The following PARD3 variants were observed in gnomAD, a reference collection of about 807,000 sequenced individuals.
PARD3 encodes the protein par-3 family cell polarity regulator.
In PARD3, 75 loss-of-function variants were observed where a neutral mutation model predicts 155.4. The observed-to-expected ratio is 0.48, with a 90% CI of 0.40 to 0.58. The LOEUF is 0.58. PARD3 is among the 20% of genes least tolerant of loss of function. The pLI is 0.00. For missense variants in PARD3, 1,642 were observed against 1,721.7 expected (o/e 0.95, Z 0.82); for synonymous variants, 576 against 610.5 (o/e 0.94, Z 0.83).
intron 1 of PARD3, among the ~76,000 whole-genome samples, chr10:34,713,996 C>T (rs1472738778): frequency 6.6e-6 from 1 of 151,890 alleles, no homozygotes; most frequent in African/African-American, 2.4e-5. Context: ...TTTAAGGTTA[C>T]TCATCCAGCC....
rs12783878 is a variant in PARD3, at chr10:34,304,695, C to A, written c.3065+12412G>T. Among the ~76,000 whole-genome samples, 603 of 152,246 alleles carry A rather than the reference C, an allele frequency of 4.0e-3. 1 individual carries two copies. Among genetic ancestry groups the A allele is most frequent in the Non-Finnish European group, 6.6e-3 (449 of 68,016 alleles). ...TGACCTTGGTAAGTTCTTCTCCACA[C>A]CTTTATGTTTTAGTTTCTTCATTCA... On this transcript the variant is annotated intron_variant, in intron 20 of 24. Transcript: ENST00000374788.
chr10:34,282,260 G>C (rs1956196383), intron 21 of PARD3, among the ~76,000 whole-genome samples: 1 of 152,024 alleles, frequency 6.6e-6, no homozygotes, highest in Admixed American at 6.6e-5. Flanking sequence ...GAGCCTAATT[G>C]ACTTTTTAAT....
At chr10:34,563,571 C>G (rs2085682774) in intron 2 of PARD3, among the ~76,000 whole-genome samples, 2 of 151,244 alleles carry the variant, frequency 1.3e-5, no homozygotes, top group African/African-American at 4.9e-5. Flanking sequence ...TGCTATGTCA[C>G]CCAGGATGGA....
chr10:34,610,476 A>T (rs1299264163), intron 2 of PARD3, among the ~76,000 whole-genome samples: 8 of 152,228 alleles, frequency 5.3e-5, no homozygotes, highest in Non-Finnish European at 1.2e-4. Context: ...GGCTTAGAGC[A>T]GTTAGGAAGA....
intron 3 of PARD3, among the ~76,000 whole-genome samples, chr10:34,505,541 C>G (rs548243621): frequency 6.6e-6 from 1 of 152,272 alleles, no homozygotes; most frequent in Non-Finnish European, 1.5e-5. Context: ...AAATCTGTGA[C>G]TCACGCCATC....
chr10:34,592,757 A>T lies in PARD3; in HGVS notation c.223-75598T>A, dbSNP rs7086939. Among the ~76,000 whole-genome samples the T allele has an allele frequency of 7.2e-3, 1,095 of 152,242 alleles. 11 individuals carry two copies. Among genetic ancestry groups the T allele is most frequent in the African/African-American group, 0.024 (988 of 41,496 alleles). On this transcript the variant is annotated intron_variant, in intron 2 of 24. Transcript: ENST00000374788. ...ACCACTGCATTCCAGCCTGGGCAAC[A>T]GAGCAATACTCTGTCTCAAAAACTA...
At chr10:34,431,662 C>A (rs192313192) in intron 5 of PARD3, among the ~76,000 whole-genome samples, 1 of 145,724 alleles carries the variant, frequency 6.9e-6, no homozygotes, top group Admixed American at 7.1e-5. Flanking sequence ...ATTGCTTGAA[C>A]CTGGGAGGCA....
intron 4 of PARD3, 32 bp downstream of exon 4, chr10:34,470,053 A>G (rs1367165026): frequency 6.5e-7 from 1 of 1,545,620 alleles, no homozygotes; most frequent in Non-Finnish European, 8.8e-7. Context: ...AGGAGGGGCA[A>G]GAGACAGCAG....
chr10:34,681,768 ATTTTTTTTTTTTTTTTT>A (rs56661701), intron 2 of PARD3, among the ~76,000 whole-genome samples: 1 of 17,404 alleles, frequency 5.7e-5, no homozygotes, highest in African/African-American at 2.5e-4. Context: ...ATATATATAT[ATTTTTTTTTTTTTTTTT>A]TTTTTTTTTT....
chr10:34,779,470 A>T (rs1294305624), intron 1 of PARD3, among the ~76,000 whole-genome samples: 1 of 151,894 alleles, frequency 6.6e-6, no homozygotes, highest in Non-Finnish European at 1.5e-5. Context: ...AAATTAAAAA[A>T]ATTAGCCAGG....
At chr10:34,540,002 T>C (rs1012458694) in intron 2 of PARD3, among the ~76,000 whole-genome samples, 6 of 151,764 alleles carry the variant, frequency 4.0e-5, no homozygotes, top group Non-Finnish European at 7.4e-5. Context: ...CAAAAAGGAG[T>C]TCTAGAAAAC....
chr10:34,129,832 C>CTTT (rs71030099), intron 23 of PARD3, among the ~76,000 whole-genome samples: 27 of 120,114 alleles, frequency 2.2e-4, no homozygotes, highest in African/African-American at 4.2e-4. Flanking sequence ...TAATTAAAAA[C>CTTT]TTTTTTTTTT....
intron 2 of PARD3, among the ~76,000 whole-genome samples, chr10:34,574,224 A>G (rs1361469710): frequency 1.3e-5 from 2 of 152,216 alleles, no homozygotes; most frequent in African/African-American, 4.8e-5. Context: ...CACTGGACTT[A>G]TGGGTTAAAA....
chr10:34,721,876 G>C (rs183588177), intron 1 of PARD3, among the ~76,000 whole-genome samples: 1 of 152,198 alleles, frequency 6.6e-6, no homozygotes, highest in Admixed American at 6.5e-5. Flanking sequence ...AAAAACAATG[G>C]CTTTAATATT....
In PARD3 at chr10:34,289,121, T is replaced by C. The variant is rs576803788; in HGVS notation, c.3066-4876A>G. Among the ~76,000 whole-genome samples the C allele has an allele frequency of 1.1e-3, 162 of 152,084 alleles. 1 individual carries two copies. Among genetic ancestry groups the C allele is most frequent in the African/African-American group, 3.7e-3 (155 of 41,496 alleles). On this transcript the variant is annotated intron_variant, in intron 20 of 24. Coordinates refer to ENST00000374788, the MANE Select transcript of PARD3 (RefSeq NM_001184785.2). ...GACTACAGGTGCATGGTACCTACCA[T>C]GCTCAGCTAATTTTTGTATTTTTGT... is the stretch of plus-strand genomic sequence containing the variant.
chr10:34,547,584 G>C (rs1256235498), intron 2 of PARD3, among the ~76,000 whole-genome samples: 1 of 152,152 alleles, frequency 6.6e-6, no homozygotes, highest in African/African-American at 2.4e-5. Context: ...TACATAGAAA[G>C]GATCACTGAA....
intron 4 of PARD3, among the ~76,000 whole-genome samples, chr10:34,461,195 T>C (rs1334328896): frequency 1.3e-5 from 2 of 152,190 alleles, no homozygotes; most frequent in Non-Finnish European, 2.9e-5. Flanking sequence ...GTTGCAGCAA[T>C]CCATCTGATA....
At chr10:34,358,889 T>A (rs931900442) in intron 14 of PARD3, among the ~76,000 whole-genome samples, 1 of 152,172 alleles carries the variant, frequency 6.6e-6, no homozygotes, top group African/African-American at 2.4e-5. Flanking sequence ...AAAATTCAGC[T>A]AAAGGGGCTT....
rs142000229 is a variant in PARD3, at chr10:34,730,975, T to A, written c.121-34556A>T. On this transcript the variant is annotated intron_variant, in intron 1 of 24. Transcript: ENST00000374788. ...ATTTGACCCGGTTATATAGCTCTAT[T>A]AGTGTAAGTACACAACATTGTGCCC... Among the ~76,000 whole-genome samples the A allele has an allele frequency of 7.0e-3, 1,066 of 152,306 alleles. 4 individuals are homozygous for A. Among genetic ancestry groups the A allele is most frequent in the Non-Finnish European group, 0.012 (824 of 68,018 alleles).
Sources: gnomAD v4.1 joint callset for allele counts (sites outside exome capture counted in the v4.1 genomes callset) on GRCh38, gnomAD v4.1.1 for gene constraint, MANE v1.5 for transcripts, NCBI Gene and HGNC (gene_info 2026-07-23, HGNC 2026-07-21) for gene names.